The following THOC2 variants were observed in gnomAD, a reference collection of about 807,000 sequenced individuals.
The protein encoded by THOC2 is THO complex 2.
A neutral mutation model predicts 128.4 loss-of-function variants in THOC2; 10 were observed. The observed-to-expected ratio is 0.08, with a 90% CI of 0.05 to 0.13. The LOEUF is 0.13. Ranked by LOEUF, THOC2 falls within the 10% of genes least tolerant of loss-of-function variation. THOC2 has a pLI of 1.00. For synonymous variants in THOC2, 393 were observed against 396.9 expected (o/e 0.99, Z 0.12); for missense variants, 535 against 1,155.7 (o/e 0.46, Z 7.79).
chrX:123,638,827 T>C (rs2047794291), intron 17 of THOC2, 107 bp downstream of exon 17: 2 of 462,737 alleles, frequency 4.3e-6, no homozygotes, highest in Admixed American at 7.2e-5. Context: ...ATCAGCCACC[T>C]GAATCAACCT....
At chrX:123,654,834 T>A (rs1239435808) in intron 12 of THOC2, among the ~76,000 whole-genome samples, 1 of 103,166 alleles carries the variant, frequency 9.7e-6, no homozygotes, top group Non-Finnish European at 2.0e-5. Context: ...ATTAGCTGAA[T>A]GGCCCAAAAC....
At chrX:123,699,165 A>C (rs1337052990) in intron 4 of THOC2, among the ~76,000 whole-genome samples, 1 of 112,100 alleles carries the variant, frequency 8.9e-6, no homozygotes, top group African/African-American at 3.2e-5. Context: ...TTTTACAGTC[A>C]ACTCATAATT....
At chrX:123,677,311 A>G (rs1356847520) in intron 8 of THOC2, among the ~76,000 whole-genome samples, 1 of 111,242 alleles carries the variant, frequency 9.0e-6, no homozygotes, top group African/African-American at 3.3e-5. Context: ...AGTGAATATG[A>G]AGGTCTAAGA....
intron 7 of THOC2, among the ~76,000 whole-genome samples, chrX:123,689,779 G>A (rs748421645): frequency 3.6e-5 from 4 of 111,579 alleles, no homozygotes; most frequent in Non-Finnish European, 7.5e-5. Context: ...CATATACAGT[G>A]AGACTCTAAT....
chrX:123,610,590 C>T (rs1261132942), intron 38 of THOC2, among the ~76,000 whole-genome samples: 1 of 111,428 alleles, frequency 9.0e-6, no homozygotes, highest in Non-Finnish European at 1.9e-5. Flanking sequence ...GATACCACTA[C>T]CACCATTTAC....
At chrX:123,691,189 G>A (rs1254645578) in intron 7 of THOC2, among the ~76,000 whole-genome samples, 1 of 111,673 alleles carries the variant, frequency 9.0e-6, no homozygotes, top group Non-Finnish European at 1.9e-5. Flanking sequence ...TCCAGCTTGG[G>A]CAACAGAGCC....
At chrX:123,605,699 C>T (rs1300422674) in intron 38 of THOC2, among the ~76,000 whole-genome samples, 1 of 111,319 alleles carries the variant, frequency 9.0e-6, no homozygotes, top group Non-Finnish European at 1.9e-5. Context: ...TATCCCATAC[C>T]CTTTACCAAT....
intron 1 of THOC2, among the ~76,000 whole-genome samples, chrX:123,727,776 C>A (rs1163920854): frequency 8.9e-6 from 1 of 111,848 alleles, no homozygotes; most frequent in Admixed American, 9.5e-5. Context: ...TTCATTTTTT[C>A]TACTTTTAAA....
chrX:123,630,126 T>C (rs762934399), intron 22 of THOC2, among the ~76,000 whole-genome samples: 16 of 112,031 alleles, frequency 1.4e-4, no homozygotes, highest in South Asian at 3.8e-4. Flanking sequence ...AGGCTATACT[T>C]CGTATTTACC....
intron 7 of THOC2, among the ~76,000 whole-genome samples, chrX:123,693,743 T>A (rs1215900109): frequency 9.1e-6 from 1 of 109,905 alleles, no homozygotes; most frequent in African/African-American, 3.3e-5. Context: ...GGGGAGGAGG[T>A]ACAGAGCATA....
chrX:123,721,161 G>A (rs889604572), intron 1 of THOC2, among the ~76,000 whole-genome samples: 1 of 109,426 alleles, frequency 9.1e-6, no homozygotes, highest in South Asian at 4.0e-4. Context: ...TTTTGTTGTT[G>A]CTGGTTTTTT....
intron 22 of THOC2, among the ~76,000 whole-genome samples, chrX:123,629,246 C>CACAT (rs941408462): frequency 3.9e-5 from 4 of 102,035 alleles, no homozygotes; most frequent in South Asian, 4.3e-4. Flanking sequence ...CACACACACA[C>CACAT]ATATATATGA....
At chrX:123,708,038 G>A (rs917101522) in intron 2 of THOC2, among the ~76,000 whole-genome samples, 1 of 108,624 alleles carries the variant, frequency 9.2e-6, no homozygotes, top group African/African-American at 3.3e-5. Flanking sequence ...AGGCTGAGGC[G>A]GGAACTTAAG....
In THOC2 at chrX:123,704,547, T is replaced by G. The variant is rs192513177; in HGVS notation, c.223-1042A>C. Among the ~76,000 whole-genome samples, 659 of 111,774 alleles carry G rather than the reference T, an allele frequency of 5.9e-3. 5 individuals carry two copies. The highest frequency in any genetic ancestry group is 0.023 in the Middle Eastern group (5 of 216). ...TCTCTTTATTTTCTTTATTTACTCT[T>G]GTAGCCTTTGGAGAAAATGACCCAA... On this transcript the variant is annotated intron_variant, in intron 3 of 38. Transcript: ENST00000245838.
At chrX:123,697,652 A>T in intron 5 of THOC2, 29 bp downstream of exon 5, 1 of 839,439 alleles carries the variant, frequency 1.2e-6, no homozygotes, top group Non-Finnish European at 1.7e-6. Context: ...GCAGATTTTT[A>T]AAAGGGAAAA....
At chrX:123,709,242 A>T (rs983096041) in intron 2 of THOC2, among the ~76,000 whole-genome samples, 4 of 112,065 alleles carry the variant, frequency 3.6e-5, no homozygotes, top group South Asian at 3.7e-4. Context: ...TCTACAAAAA[A>T]ATTCAATAAA....
rs1278203504 is a variant in THOC2, at chrX:123,627,801, T to C, written c.2649A>G (p.Thr883=). ...GGTCATACATTGTCAATGACCAGAATGTAGCATAGAATTGAGGGCTGATGT... is the reference window on the plus strand; with the variant it reads ...GGTCATACATTGTCAATGACCAGAACGTAGCATAGAATTGAGGGCTGATGT... ...WDDISPQFYA[T]FWSLTMYDLA... is the part of the protein sequence containing the mutation. The change falls in exon 23 of 39, where the codon ACA becomes ACG. Residue 883 remains threonine (T), a synonymous_variant. Coordinates refer to ENST00000245838, the MANE Select transcript of THOC2 (RefSeq NM_001081550.2). The C allele has an allele frequency of 9.9e-6, 12 of 1,209,913 alleles. No individual in the cohort carries two copies. The Admixed American group carries it at 2.4e-4, about 24-fold the overall frequency.
chrX:123,613,152 G>A (rs1345517144), intron 36 of THOC2, among the ~76,000 whole-genome samples: 1 of 110,799 alleles, frequency 9.0e-6, no homozygotes, highest in Non-Finnish European at 1.9e-5. Flanking sequence ...ATCAACAGAA[G>A]TAGGTGGGAA....
chrX:123,633,940 T>C lies in THOC2; in HGVS notation c.2136+13A>G, dbSNP rs2047579421. The C allele has an allele frequency of 1.9e-6, 2 of 1,053,567 alleles. No individual in the cohort carries two copies. Among genetic ancestry groups the C allele is most frequent in the South Asian group, 2.0e-5 (1 of 50,448 alleles). The allele number at this position is 1,053,567 out of a possible 1,213,427, so 86.8% of individuals were successfully genotyped here. On this transcript the variant is annotated intron_variant, in intron 20 of 38. Transcript: ENST00000245838. The stretch of plus-strand genomic sequence containing the variant: ...AATTTTAAAAGTTGATGAACAAAAA[T>C]AGCAATTCTTACCTCAGCTTTTAGC...
Sources: allele counts gnomAD v4.1 joint callset (sites outside exome capture counted in the v4.1 genomes callset), GRCh38; gene constraint gnomAD v4.1.1; transcripts MANE v1.5; gene names NCBI Gene and HGNC (gene_info 2026-07-23, HGNC 2026-07-21).